Variants in TNPO1 observed in about 807,000 individuals in gnomAD.
The protein encoded by TNPO1 is transportin-1.
In TNPO1, 8 loss-of-function variants were observed where a neutral mutation model predicts 119.5. That is an observed-to-expected ratio of 0.07 (90% CI 0.04 to 0.12). The LOEUF is 0.12. Among genes scored for constraint, TNPO1 ranks in the 10% least tolerant of loss-of-function variants. The probability of loss-of-function intolerance (pLI) is 1.00; values close to 1 mark genes in which losing one functional copy is unlikely to be tolerated. For missense variants in TNPO1, 576 were observed against 1,089.8 expected (o/e 0.53, Z 6.64); for synonymous variants, 362 against 363.0 (o/e 1.00, Z 0.03).
At chr5:72,854,531 T>G (rs1476740000) in intron 3 of TNPO1, among the ~76,000 whole-genome samples, 1 of 152,198 alleles carries the variant, frequency 6.6e-6, no homozygotes, top group East Asian at 1.9e-4. Context: ...CTTATAGCCC[T>G]TTGAGTGGGG....
Position 72,912,915 on chromosome 5 carries a change from T to G in TNPO1, c.*4242T>G, listed in dbSNP as rs914364663. On this transcript the variant is annotated 3_prime_UTR_variant, in exon 25 of 25. Coordinates refer to ENST00000337273, the MANE Select transcript of TNPO1 (RefSeq NM_002270.4). The stretch of plus-strand genomic sequence containing the variant: ...AGAGTGTATCATGCATAACTGCAAT[T>G]TAAGTCCTTCCTTTGATAATACTTC... 3 of 152,516 alleles carry G rather than the reference T, an allele frequency of 2.0e-5. No individual in the cohort carries two copies. The highest frequency in any genetic ancestry group is 1.9e-4 in the East Asian group (1 of 5,200). The allele number at this position is 152,516 out of a possible 1,614,324, so 9.4% of individuals were successfully genotyped here.
chr5:72,893,031 T>TAGAG (rs1395620586), intron 15 of TNPO1, 108 bp from the exon 16 acceptor site: 3 of 786,550 alleles, frequency 3.8e-6, no homozygotes, highest in Non-Finnish European at 6.2e-6. Flanking sequence ...TAGAAACTAG[T>TAGAG]AGAGCAAGCT....
intron 1 of TNPO1, among the ~76,000 whole-genome samples, chr5:72,843,543 G>A (rs891253184): frequency 3.2e-4 from 48 of 150,630 alleles, no homozygotes; most frequent in African/African-American, 1.1e-3. Context: ...GCAGTGAGCC[G>A]AGATCGCACC....
At position 72,908,957 on chromosome 5, in the gene TNPO1, AAATC is replaced by A. The variant is rs2112520313; in HGVS notation, c.*285_*288del. 2.2e-6 allele frequency: 1 copy of A among 449,182 alleles called. No homozygotes were observed. The highest frequency in any genetic ancestry group is 1.6e-5 in the South Asian group (1 of 63,246). 27.8% of individuals were successfully genotyped at this position (449,182 alleles called of 1,614,324 possible). Reference sequence around the variant, plus strand: ...TGGATGTGAAGAAGCAAAAAAAAAAAAATCTATTCAGTCTACTCACAAAACAGTA... The same window carrying A: ...TGGATGTGAAGAAGCAAAAAAAAAAATATTCAGTCTACTCACAAAACAGTA... On this transcript the variant is annotated 3_prime_UTR_variant, in exon 25 of 25. Transcript: ENST00000337273.
At chr5:72,886,079 ATCT>A (rs1748602773) in intron 11 of TNPO1, among the ~76,000 whole-genome samples, 1 of 152,126 alleles carries the variant, frequency 6.6e-6, no homozygotes, top group Non-Finnish European at 1.5e-5. Flanking sequence ...CCCACCTCCC[ATCT>A]TCGTTGCTTT....
intron 13 of TNPO1, among the ~76,000 whole-genome samples, chr5:72,888,734 T>A (rs910708676): frequency 4.6e-5 from 7 of 152,224 alleles, no homozygotes; most frequent in African/African-American, 1.7e-4. Context: ...TTGAGCAGAT[T>A]GACATCCTTA....
chr5:72,872,228 G>A (rs1422341459), intron 6 of TNPO1, among the ~76,000 whole-genome samples: 1 of 152,078 alleles, frequency 6.6e-6, no homozygotes, highest in Non-Finnish European at 1.5e-5. Context: ...GTGTCAATAA[G>A]AACTGCTGAG....
intron 1 of TNPO1, among the ~76,000 whole-genome samples, chr5:72,844,473 A>C (rs1268675821): frequency 6.6e-6 from 1 of 152,250 alleles, no homozygotes; most frequent in Non-Finnish European, 1.5e-5. Context: ...ATGATGGAGC[A>C]TAAAGTTGGA....
At chr5:72,882,336 A>G (rs1395914923) in intron 9 of TNPO1, 131 bp from the exon 10 acceptor site, 2 of 574,828 alleles carry the variant, frequency 3.5e-6, no homozygotes, top group African/African-American at 1.9e-5. Context: ...GACATATATC[A>G]CTGAATAAGT....
At chr5:72,828,189 A>T (rs1328205648) in intron 1 of TNPO1, among the ~76,000 whole-genome samples, 2 of 152,156 alleles carry the variant, frequency 1.3e-5, no homozygotes, top group Non-Finnish European at 2.9e-5. Context: ...GGTCACCTGC[A>T]TTGAGCACTG....
intron 11 of TNPO1, among the ~76,000 whole-genome samples, chr5:72,884,544 A>T (rs1748479442): frequency 6.6e-6 from 1 of 152,192 alleles, no homozygotes; most frequent in East Asian, 1.9e-4. Context: ...TTTATGAAAT[A>T]TGCTTCTTAA....
chr5:72,845,501 A>T (rs1454756143), intron 1 of TNPO1, among the ~76,000 whole-genome samples: 2 of 152,188 alleles, frequency 1.3e-5, no homozygotes, highest in African/African-American at 4.8e-5. Flanking sequence ...ACTGAACTGT[A>T]TACTTAAAAT....
At chr5:72,850,129 G>T (rs1212791944) in intron 2 of TNPO1, among the ~76,000 whole-genome samples, 3 of 152,088 alleles carry the variant, frequency 2.0e-5, no homozygotes, top group African/African-American at 7.2e-5. Context: ...GCCTTATTTT[G>T]TTTCTCCTAA....
chr5:72,863,171 A>G (rs1418529690), intron 5 of TNPO1, among the ~76,000 whole-genome samples: 2 of 152,000 alleles, frequency 1.3e-5, no homozygotes, highest in Admixed American at 1.3e-4. Flanking sequence ...TTGGGTAGAA[A>G]TCTATTTTTT....
At chr5:72,875,580 T>C (rs550076404) in intron 7 of TNPO1, 35 bp from the exon 8 acceptor site, 2 of 1,603,612 alleles carry the variant, frequency 1.2e-6, no homozygotes, top group East Asian at 4.5e-5. Flanking sequence ...TGTAAGCCTT[T>C]CTAAAACTAG....
intron 1 of TNPO1, among the ~76,000 whole-genome samples, chr5:72,832,897 T>A (rs1394305420): frequency 6.6e-6 from 1 of 152,204 alleles, no homozygotes; most frequent in South Asian, 2.1e-4. Flanking sequence ...CAGTTTACTC[T>A]CCACCCATCT....
At chr5:72,897,420 G>A (rs1749510827) in intron 20 of TNPO1, among the ~76,000 whole-genome samples, 1 of 151,942 alleles carries the variant, frequency 6.6e-6, no homozygotes, top group African/African-American at 2.4e-5. Context: ...TCCCAGCAAA[G>A]ATAACTATTG....
At chr5:72,851,419 C>T (rs1462914184) in intron 3 of TNPO1, 100 bp downstream of exon 3, 1 of 724,870 alleles carries the variant, frequency 1.4e-6, no homozygotes. Flanking sequence ...TTGTAGTAAC[C>T]TTGTGCTTTA....
At chr5:72,850,952 A>AT (rs1229351521) in intron 2 of TNPO1, among the ~76,000 whole-genome samples, 6 of 152,244 alleles carry the variant, frequency 3.9e-5, no homozygotes, top group South Asian at 2.1e-4. Context: ...AAATCCAAGA[A>AT]TTTTTTTGAA....
Sources: gnomAD v4.1 joint callset for allele counts (sites outside exome capture counted in the v4.1 genomes callset) on GRCh38, gnomAD v4.1.1 for gene constraint, MANE v1.5 for transcripts, NCBI Gene and HGNC (gene_info 2026-07-23, HGNC 2026-07-21) for gene names.